Variants in ADAMTSL1 observed in about 807,000 individuals in gnomAD.
The protein encoded by ADAMTSL1 is ADAMTS like 1, also known as ADAMTS-like protein 1.
A neutral mutation model predicts 201.8 loss-of-function variants in ADAMTSL1; 126 were observed. That is an observed-to-expected ratio of 0.62 (90% CI 0.54 to 0.72). The LOEUF is 0.72. Ranked by LOEUF, ADAMTSL1 falls within the 30% of genes least tolerant of loss-of-function variation. The pLI is 0.00. For synonymous variants in ADAMTSL1, 1,121 were observed against 903.4 expected, an observed-to-expected ratio of 1.24 and a Z score of -4.32; for missense variants, 2,679 against 2,277.8, an observed-to-expected ratio of 1.18 and a Z score of -3.59.
Position 18,087,244 on chromosome 9 carries a change from A to T in ADAMTSL1, c.88-76618A>T, listed in dbSNP as rs181404465. Among the ~76,000 whole-genome samples the T allele has an allele frequency of 2.0e-5, 3 of 152,224 alleles. No individual in the cohort carries two copies. In the East Asian group the frequency reaches 5.8e-4, roughly 29 times the overall value. ...TTTCAGCCAGAAGTTGTTCATGTTT[A>T]CTTGCATCTCAAAGAGCCGTCTTCT... On this transcript the variant is annotated intron_variant, in intron 1 of 29. Transcript: ENST00000680146.
chr9:18,318,980 G>T (rs938940602), intron 2 of ADAMTSL1, among the ~76,000 whole-genome samples: 20 of 152,290 alleles, frequency 1.3e-4, no homozygotes, highest in Non-Finnish European at 2.4e-4. Context: ...AGGCCAAGGT[G>T]GGAGGATGGC....
chr9:18,036,810 T>A (rs957909246), intron 1 of ADAMTSL1, among the ~76,000 whole-genome samples: 7 of 152,354 alleles, frequency 4.6e-5, no homozygotes, highest in Non-Finnish European at 5.9e-5. Context: ...GAAATTTGCT[T>A]TAAACTTCCT....
At chr9:18,532,710 T>TC (rs1171572504) in intron 2 of ADAMTSL1, among the ~76,000 whole-genome samples, 2 of 151,624 alleles carry the variant, frequency 1.3e-5, no homozygotes, top group Non-Finnish European at 2.9e-5. Context: ...ACAGGGGACT[T>TC]CTTTTTTTTT....
At chr9:18,703,565 T>A (rs928203432) in intron 13 of ADAMTSL1, among the ~76,000 whole-genome samples, 1 of 151,756 alleles carries the variant, frequency 6.6e-6, no homozygotes, top group African/African-American at 2.4e-5. Flanking sequence ...GATAGTGGAT[T>A]GGGAGATAAG....
At chr9:18,593,565 G>A (rs1490215434) in intron 4 of ADAMTSL1, among the ~76,000 whole-genome samples, 1 of 151,758 alleles carries the variant, frequency 6.6e-6, no homozygotes, top group Non-Finnish European at 1.5e-5. Context: ...TCTTAGTACT[G>A]CTTATACTGT....
intron 1 of ADAMTSL1, among the ~76,000 whole-genome samples, chr9:17,945,931 C>CA (rs2131360597): frequency 6.6e-6 from 1 of 151,724 alleles, no homozygotes; most frequent in South Asian, 2.1e-4. Flanking sequence ...CTAACCTGCA[C>CA]ATGGTGCACA....
At chr9:18,512,802 A>T (rs971163167) in intron 2 of ADAMTSL1, among the ~76,000 whole-genome samples, 1 of 152,134 alleles carries the variant, frequency 6.6e-6, no homozygotes, top group Non-Finnish European at 1.5e-5. Flanking sequence ...TCCTAATTCA[A>T]TTGTATGAAT....
At chr9:18,616,508 C>A (rs148621364) in intron 4 of ADAMTSL1, among the ~76,000 whole-genome samples, 69 of 152,322 alleles carry the variant, frequency 4.5e-4, no homozygotes, top group African/African-American at 1.6e-3. Context: ...AATTATGGTG[C>A]TCCCGAGTGG....
chr9:18,363,759 A>G (rs1413647016), intron 2 of ADAMTSL1, among the ~76,000 whole-genome samples: 1 of 152,160 alleles, frequency 6.6e-6, no homozygotes, highest in African/African-American at 2.4e-5. Context: ...CCTTTCTAAC[A>G]TGTTACATCC....
At chr9:18,371,364 G>T (rs1467532454) in intron 2 of ADAMTSL1, among the ~76,000 whole-genome samples, 1 of 152,028 alleles carries the variant, frequency 6.6e-6, no homozygotes, top group African/African-American at 2.4e-5. Flanking sequence ...TTTTAATAAG[G>T]GTGGAGTACA....
At chr9:18,693,928 A>G (rs946186051) in intron 13 of ADAMTSL1, among the ~76,000 whole-genome samples, 2 of 152,158 alleles carry the variant, frequency 1.3e-5, no homozygotes, top group African/African-American at 2.4e-5. Context: ...AGACTTGGCA[A>G]TTTATAAGTA....
chr9:18,282,394 C>G (rs541967929), intron 2 of ADAMTSL1, among the ~76,000 whole-genome samples: 1 of 152,134 alleles, frequency 6.6e-6, no homozygotes, highest in Non-Finnish European at 1.5e-5. Context: ...GAGGTATCTT[C>G]TTTATATCAT....
intron 1 of ADAMTSL1, among the ~76,000 whole-genome samples, chr9:18,156,951 T>C (rs1012517224): frequency 1.3e-5 from 2 of 152,096 alleles, no homozygotes; most frequent in African/African-American, 4.8e-5. Flanking sequence ...CTTTATGTTT[T>C]GGGAAAGGTG....
chr9:18,037,646 A>G (rs1309256006), intron 1 of ADAMTSL1, among the ~76,000 whole-genome samples: 1 of 152,224 alleles, frequency 6.6e-6, no homozygotes, highest in Non-Finnish European at 1.5e-5. Flanking sequence ...AAGATTTCAG[A>G]TAGCTCCTCT....
chr9:18,214,927 A>AG (rs1321214451), intron 2 of ADAMTSL1, among the ~76,000 whole-genome samples: 2 of 152,164 alleles, frequency 1.3e-5, no homozygotes, highest in African/African-American at 4.8e-5. Context: ...ACCGTAGATC[A>AG]GGCAGTAGTC....
chr9:18,125,946 T>C (rs1825711483), intron 1 of ADAMTSL1, among the ~76,000 whole-genome samples: 1 of 152,182 alleles, frequency 6.6e-6, no homozygotes, highest in Non-Finnish European at 1.5e-5. Flanking sequence ...TACTTCTTAT[T>C]GAAATTGTGA....
At chr9:18,398,662 T>G (rs1270869354) in intron 2 of ADAMTSL1, among the ~76,000 whole-genome samples, 3 of 152,292 alleles carry the variant, frequency 2.0e-5, no homozygotes, top group Non-Finnish European at 4.4e-5. Flanking sequence ...GCTGTCTAGA[T>G]CCCATTTATT....
intron 26 of ADAMTSL1, among the ~76,000 whole-genome samples, chr9:18,905,258 G>C (rs1292432801): frequency 6.6e-6 from 1 of 152,192 alleles, no homozygotes; most frequent in African/African-American, 2.4e-5. Context: ...TGAGCACATA[G>C]CAAGAGAATA....
At chr9:18,783,270 A>G (rs1272830818) in intron 19 of ADAMTSL1, among the ~76,000 whole-genome samples, 1 of 152,234 alleles carries the variant, frequency 6.6e-6, no homozygotes, top group Non-Finnish European at 1.5e-5. Flanking sequence ...ATTGAACTCC[A>G]ACTGGTAGAA....
Sources: allele counts gnomAD v4.1 joint callset (sites outside exome capture counted in the v4.1 genomes callset), GRCh38; gene constraint gnomAD v4.1.1; transcripts MANE v1.5; gene names NCBI Gene and HGNC (gene_info 2026-07-23, HGNC 2026-07-21).